The following SLC25A21 variants were observed in gnomAD, a reference collection of about 807,000 sequenced individuals.
The protein encoded by SLC25A21 is solute carrier family 25 member 21.
SLC25A21 carries 47 observed loss-of-function variants against 43.8 expected under a neutral mutation model. The observed-to-expected ratio is 1.07, with a 90% confidence interval of 0.85 to 1.37. The LOEUF (loss-of-function observed/expected upper bound fraction) is 1.37. Among genes scored for constraint, SLC25A21 ranks in the 40% most tolerant of loss-of-function variants. The probability of loss-of-function intolerance (pLI) is 0.00; values close to 1 mark genes in which losing one functional copy is unlikely to be tolerated. For synonymous variants in SLC25A21, 131 were observed against 121.3 expected (o/e 1.08, Z -0.52); for missense variants, 352 against 350.2 (o/e 1.00, Z -0.04).
At chr14:37,122,199 T>C (rs1963221650) in intron 1 of SLC25A21, among the ~76,000 whole-genome samples, 1 of 152,138 alleles carries the variant, frequency 6.6e-6, no homozygotes, top group Admixed American at 6.5e-5. Context: ...CTTTGGAAAA[T>C]ATGCTTTAGG....
chr14:36,892,477 A>C (rs1891098378), intron 1 of SLC25A21, among the ~76,000 whole-genome samples: 1 of 152,166 alleles, frequency 6.6e-6, no homozygotes, highest in South Asian at 2.1e-4. Context: ...GATTTGCAAC[A>C]TGGATGGTCT....
Position 36,849,366 on chromosome 14 carries a change from TGA to T in SLC25A21, c.119+25588_119+25589del, listed in dbSNP as rs1362868610. Among the ~76,000 whole-genome samples the T allele has an allele frequency of 3.3e-5, 5 of 152,278 alleles. No individual in the cohort carries two copies. The East Asian group carries it at 9.7e-4, about 29-fold the overall frequency. On this transcript the variant is annotated intron_variant, in intron 2 of 9. Coordinates refer to ENST00000331299, the MANE Select transcript of SLC25A21 (RefSeq NM_030631.4). ...AGCAGAGGAATGAATTACACGTTTG[TGA>T]AATGACACCCTGATTCAACAAATCC...
intron 1 of SLC25A21, among the ~76,000 whole-genome samples, chr14:36,977,558 T>C (rs1284578954): frequency 6.6e-6 from 1 of 152,172 alleles, no homozygotes; most frequent in Non-Finnish European, 1.5e-5. Flanking sequence ...GGAAACAGAA[T>C]GGTTGGTTAT....
chr14:36,717,974 A>G (rs1265421194), intron 6 of SLC25A21, among the ~76,000 whole-genome samples: 2 of 152,116 alleles, frequency 1.3e-5, no homozygotes, highest in Non-Finnish European at 2.9e-5. Context: ...AAAATCAACT[A>G]ATTTTTCTTT....
At chr14:37,010,896 C>T (rs745851353) in intron 1 of SLC25A21, among the ~76,000 whole-genome samples, 3 of 152,022 alleles carry the variant, frequency 2.0e-5, no homozygotes, top group Admixed American at 6.6e-5. Context: ...CGGTACGCAC[C>T]GCCAAGTCCA....
chr14:36,950,250 G>A (rs1293792528), intron 1 of SLC25A21, among the ~76,000 whole-genome samples: 2 of 152,102 alleles, frequency 1.3e-5, no homozygotes, highest in African/African-American at 2.4e-5. Context: ...ACTTTGATTA[G>A]CTTGTTATGG....
intron 2 of SLC25A21, among the ~76,000 whole-genome samples, chr14:36,837,611 T>C (rs1008519178): frequency 6.6e-6 from 1 of 152,244 alleles, no homozygotes; most frequent in African/African-American, 2.4e-5. Context: ...CAGTCAGTGA[T>C]GCAGGCTTGG....
At chr14:37,031,954 A>G (rs7153530) in intron 1 of SLC25A21, among the ~76,000 whole-genome samples, 70,787 of 151,938 alleles carry the variant, frequency 0.47, 18,814 homozygotes, top group African/African-American at 0.74. Context: ...TGGGCTCCTT[A>G]AAGAATTCCC....
At chr14:36,691,721 GT>G (rs1197997693) in intron 7 of SLC25A21, among the ~76,000 whole-genome samples, 1 of 152,040 alleles carries the variant, frequency 6.6e-6, no homozygotes, top group African/African-American at 2.4e-5. Context: ...AATAAAATCT[GT>G]TACTGCAATA....
chr14:36,735,088 G>A (rs1172478839), intron 3 of SLC25A21, among the ~76,000 whole-genome samples: 3 of 152,162 alleles, frequency 2.0e-5, no homozygotes, highest in Non-Finnish European at 4.4e-5. Context: ...TCCTGATTTA[G>A]TCATAATTTT....
At chr14:36,975,088 A>G (rs1453671029) in intron 1 of SLC25A21, among the ~76,000 whole-genome samples, 3 of 152,212 alleles carry the variant, frequency 2.0e-5, no homozygotes, top group Admixed American at 2.0e-4. Context: ...CATTTCACAG[A>G]TAAAGGAAAT....
chr14:37,022,490 C>A (rs577785184), intron 1 of SLC25A21, among the ~76,000 whole-genome samples: 1 of 151,990 alleles, frequency 6.6e-6, no homozygotes, highest in Admixed American at 6.6e-5. Context: ...AACAAACTAC[C>A]TTTTATGGTT....
chr14:37,071,273 A>G (rs1384551453), intron 1 of SLC25A21, among the ~76,000 whole-genome samples: 1 of 152,234 alleles, frequency 6.6e-6, no homozygotes, highest in Non-Finnish European at 1.5e-5. Context: ...AGAATATAAT[A>G]CATCAGTGTT....
chr14:37,086,711 G>C (rs1962493589), intron 1 of SLC25A21, among the ~76,000 whole-genome samples: 1 of 152,128 alleles, frequency 6.6e-6, no homozygotes, highest in Non-Finnish European at 1.5e-5. Flanking sequence ...CCCACATCAA[G>C]AGATGGTGAT....
chr14:36,985,104 C>A (rs1241885015), intron 1 of SLC25A21, among the ~76,000 whole-genome samples: 1 of 149,840 alleles, frequency 6.7e-6, no homozygotes, highest in Non-Finnish European at 1.5e-5. Flanking sequence ...CATATTCTCA[C>A]TCATAGGTGG....
intron 1 of SLC25A21, among the ~76,000 whole-genome samples, chr14:37,135,266 G>T (rs191175621): frequency 7.9e-5 from 12 of 151,998 alleles, no homozygotes; most frequent in Admixed American, 7.9e-4. Flanking sequence ...GGGAATGGTG[G>T]TGTTCACCTG....
chr14:36,904,808 A>G (rs1311328907), intron 1 of SLC25A21, among the ~76,000 whole-genome samples: 1 of 152,092 alleles, frequency 6.6e-6, no homozygotes, highest in Non-Finnish European at 1.5e-5. Context: ...CCATGATCCA[A>G]TCACCTCCCA....
At chr14:36,810,929 GA>G (rs1452561858) in intron 3 of SLC25A21, among the ~76,000 whole-genome samples, 2 of 152,048 alleles carry the variant, frequency 1.3e-5, no homozygotes, top group African/African-American at 4.8e-5. Flanking sequence ...AAGAGTGGGG[GA>G]AATAATTCAG....
chr14:37,044,679 G>A (rs1252702391), intron 1 of SLC25A21, among the ~76,000 whole-genome samples: 1 of 152,146 alleles, frequency 6.6e-6, no homozygotes, highest in African/African-American at 2.4e-5. Flanking sequence ...GGTAGATACA[G>A]TCATGGAACA....
Sources: allele counts gnomAD v4.1 joint callset (sites outside exome capture counted in the v4.1 genomes callset), GRCh38; gene constraint gnomAD v4.1.1; transcripts MANE v1.5; gene names NCBI Gene and HGNC (gene_info 2026-07-23, HGNC 2026-07-21).